GABRG3: variants seen among roughly 807,000 people sequenced by gnomAD.
The protein encoded by GABRG3 is gamma-aminobutyric acid receptor subunit gamma-3.
A neutral mutation model predicts 48.8 loss-of-function variants in GABRG3; 25 were observed. The ratio of observed to expected loss-of-function variants is 0.51; its 90% confidence interval spans 0.37 to 0.72. GABRG3 has a LOEUF of 0.72. Ranked by LOEUF, GABRG3 falls within the 30% of genes least tolerant of loss-of-function variation. The probability of loss-of-function intolerance (pLI) is 0.00; values close to 1 mark genes in which losing one functional copy is unlikely to be tolerated. For missense variants in GABRG3, 394 were observed against 577.9 expected (o/e 0.68, Z 3.26); for synonymous variants, 227 against 217.6 (o/e 1.04, Z -0.38).
intron 3 of GABRG3, among the ~76,000 whole-genome samples, chr15:27,311,600 C>T (rs1483309495): frequency 6.6e-6 from 1 of 151,966 alleles, no homozygotes; most frequent in Non-Finnish European, 1.5e-5. Flanking sequence ...ATAAAACACA[C>T]ACACACAAAA....
intron 3 of GABRG3, among the ~76,000 whole-genome samples, chr15:27,213,483 T>TA (rs1889137746): frequency 6.6e-6 from 1 of 152,200 alleles, no homozygotes; most frequent in African/African-American, 2.4e-5. Flanking sequence ...ACTTTCCTCA[T>TA]AGCGTTAAAA....
At chr15:27,193,618 C>G (rs930116989) in intron 3 of GABRG3, among the ~76,000 whole-genome samples, 3 of 152,186 alleles carry the variant, frequency 2.0e-5, no homozygotes, top group African/African-American at 4.8e-5. Flanking sequence ...CAGGTGCTGT[C>G]TGTCACCCCT....
chr15:27,093,039 C>T (rs564631156), intron 3 of GABRG3, among the ~76,000 whole-genome samples: 4 of 152,174 alleles, frequency 2.6e-5, no homozygotes, highest in Admixed American at 2.0e-4. Flanking sequence ...CCCTACCCCA[C>T]GGACTCCTCT....
intron 3 of GABRG3, among the ~76,000 whole-genome samples, chr15:27,209,512 A>G (rs560107216): frequency 2.0e-5 from 3 of 152,136 alleles, no homozygotes. Flanking sequence ...TGTAAGAGGA[A>G]GATGTCTCTG....
chr15:27,521,916 G>T (rs1891169547), intron 7 of GABRG3, among the ~76,000 whole-genome samples: 1 of 152,008 alleles, frequency 6.6e-6, no homozygotes, highest in Admixed American at 6.5e-5. Flanking sequence ...TGAGGTGATA[G>T]TTAAAAGCAG....
chr15:27,208,767 G>C (rs1398439579), intron 3 of GABRG3: 1 of 152,376 alleles, frequency 6.6e-6, no homozygotes, highest in Non-Finnish European at 1.5e-5. Flanking sequence ...GGAGATCAAT[G>C]TTTGTTAAGT....
At chr15:27,252,683 G>A (rs1407851140) in intron 3 of GABRG3, among the ~76,000 whole-genome samples, 1 of 152,172 alleles carries the variant, frequency 6.6e-6, no homozygotes, top group Non-Finnish European at 1.5e-5. Context: ...CTTAGTGAGA[G>A]AGGGCACCTC....
intron 3 of GABRG3, among the ~76,000 whole-genome samples, chr15:27,257,497 C>T (rs1890656855): frequency 6.6e-6 from 1 of 151,784 alleles, no homozygotes; most frequent in Admixed American, 6.6e-5. Context: ...CCTAGAAGTT[C>T]TATAGTTTCA....
At chr15:27,528,960 T>C (rs1333142213) in intron 9 of GABRG3, among the ~76,000 whole-genome samples, 2 of 152,194 alleles carry the variant, frequency 1.3e-5, no homozygotes, top group African/African-American at 4.8e-5. Context: ...ATTTTGTGCC[T>C]TTCTCTATGT....
At chr15:27,311,142 C>T (rs1438101505) in intron 3 of GABRG3, among the ~76,000 whole-genome samples, 2 of 152,166 alleles carry the variant, frequency 1.3e-5, no homozygotes, top group African/African-American at 4.8e-5. Context: ...TCCTTCCACC[C>T]TGTGATCTCA....
chr15:27,382,606 A>G (rs1895807856), intron 5 of GABRG3, among the ~76,000 whole-genome samples: 1 of 152,214 alleles, frequency 6.6e-6, no homozygotes, highest in Admixed American at 6.5e-5. Context: ...AGTTGTATGG[A>G]AAATAAATGG....
chr15:27,280,908 T>G (rs1224770191), intron 3 of GABRG3, among the ~76,000 whole-genome samples: 2 of 152,214 alleles, frequency 1.3e-5, no homozygotes, highest in Non-Finnish European at 2.9e-5. Context: ...CTGTCAAAGT[T>G]GAGAGAGGGG....
chr15:27,103,932 C>T (rs1897404960), intron 3 of GABRG3, among the ~76,000 whole-genome samples: 2 of 152,114 alleles, frequency 1.3e-5, no homozygotes, highest in Admixed American at 1.3e-4. Context: ...ATATCTGTTT[C>T]CCATGGTGAG....
At position 27,154,834 on chromosome 15, in the gene GABRG3, G is replaced by T. The variant is rs538136500; in HGVS notation, c.270+128013G>T. 9.2e-5 allele frequency among the ~76,000 whole-genome samples: 14 copies of T among 151,756 alleles called. No individual in the cohort carries two copies. In the South Asian group the frequency reaches 2.5e-3, roughly 27 times the overall value. ...TATTATTTTGATATCAGGATGATGGGGCTTCATAAAATTAATTAAATTTAG... is the reference window on the plus strand; with the variant it reads ...TATTATTTTGATATCAGGATGATGGTGCTTCATAAAATTAATTAAATTTAG... On this transcript the variant is annotated intron_variant, in intron 3 of 9. Coordinates refer to ENST00000615808, the MANE Select transcript of GABRG3 (RefSeq NM_033223.5).
chr15:27,199,573 T>G (rs956641569), intron 3 of GABRG3, among the ~76,000 whole-genome samples: 1 of 151,604 alleles, frequency 6.6e-6, no homozygotes, highest in Non-Finnish European at 1.5e-5. Context: ...ATGGGTGAAT[T>G]CTTGTTCTAT....
intron 2 of GABRG3, among the ~76,000 whole-genome samples, chr15:26,994,437 C>A (rs567842951): frequency 6.6e-6 from 1 of 151,708 alleles, no homozygotes; most frequent in Non-Finnish European, 1.5e-5. Flanking sequence ...TGATAACTCA[C>A]CACTGATAGT....
rs964673570 is a variant in GABRG3, at chr15:27,447,048, C to A, written c.575-33602C>A. On this transcript the variant is annotated intron_variant, in intron 5 of 9. Transcript: ENST00000615808. The surrounding 1 kb of genome is among the most constrained non-coding windows in gnomAD (Gnocchi z 4.0). ...TGAGGGTCTAGGGATGAACCCCACA[C>A]AAAGCCTACATGGGAAGACACATCT... Among the ~76,000 whole-genome samples the A allele has an allele frequency of 2.6e-5, 4 of 152,324 alleles. No homozygotes were observed. The East Asian group carries it at 7.7e-4, about 29-fold the overall frequency.
intron 2 of GABRG3, among the ~76,000 whole-genome samples, chr15:26,992,581 T>C (rs1895268852): frequency 6.6e-6 from 1 of 152,232 alleles, no homozygotes; most frequent in Admixed American, 6.5e-5. Flanking sequence ...TTGGACATGA[T>C]GAGTGATCTT....
Position 27,539,763 on chromosome 15 carries a change from G to C in GABRG3, c.*6882G>C, listed in dbSNP as rs1891625128. 6.6e-6 allele frequency: 1 copy of C among 152,144 alleles called. No individual in the cohort carries two copies. Among genetic ancestry groups the C allele is most frequent in the African/African-American group, 2.4e-5 (1 of 41,416 alleles). 9.4% of individuals were successfully genotyped at this position (152,144 alleles called of 1,614,324 possible). A position where few individuals can be genotyped will look rare whatever the true frequency, so the allele number is the denominator to read the frequency against. ...CTGAGCCAGCCTGCCACATCCGCTA[G>C]TCCATGCACCTCCAGGGTGGCCTTG... On this transcript the variant is annotated 3_prime_UTR_variant, in exon 10 of 10. Coordinates refer to ENST00000615808, the MANE Select transcript of GABRG3 (RefSeq NM_033223.5).
Sources: allele counts gnomAD v4.1 joint callset (sites outside exome capture counted in the v4.1 genomes callset), GRCh38; gene constraint gnomAD v4.1.1; non-coding constraint Gnocchi (gnomAD v3.1); transcripts MANE v1.5; gene names NCBI Gene and HGNC (gene_info 2026-07-23, HGNC 2026-07-21).